The following HABP4 variants were observed in gnomAD, a reference collection of about 807,000 sequenced individuals.
HABP4 encodes the protein intracellular hyaluronan-binding protein 4.
HABP4 carries 32 observed loss-of-function variants against 44.1 expected under a neutral mutation model. The observed-to-expected ratio is 0.73, with a 90% CI of 0.55 to 0.97. The LOEUF is 0.97. HABP4 is among the 50% of genes least tolerant of loss of function. The pLI is 0.00. For missense variants in HABP4, 503 were observed against 561.9 expected (o/e 0.90, Z 1.06); for synonymous variants, 216 against 218.0 (o/e 0.99, Z 0.08).
At position 96,450,995 on chromosome 9, in the gene HABP4, C is replaced by T. The variant is rs558905951; in HGVS notation, c.349+367C>T. Among the ~76,000 whole-genome samples, 2 of 152,230 alleles carry T rather than the reference C, an allele frequency of 1.3e-5. No individual in the cohort carries two copies. The highest frequency in any genetic ancestry group is 3.9e-4 in the East Asian group (2 of 5,160). On this transcript the variant is annotated intron_variant, in intron 1 of 7. Transcript: ENST00000375249. This position sits in a 1 kb window ranked among gnomAD's most constrained non-coding sequence, Gnocchi z 4.8. ...TGGCGGGGACCTTCATCTTCCAGCCCAGCCTCTGCAAGATTGAGGTCGGAG... is the reference window on the plus strand; with the variant it reads ...TGGCGGGGACCTTCATCTTCCAGCCTAGCCTCTGCAAGATTGAGGTCGGAG...
intron 5 of HABP4, among the ~76,000 whole-genome samples, chr9:96,471,820 C>G (rs1832703521): frequency 6.6e-6 from 1 of 151,784 alleles, no homozygotes; most frequent in South Asian, 2.1e-4. Context: ...GACAGAGTTT[C>G]ACTCTTATTG....
At chr9:96,484,681 C>T in intron 6 of HABP4, 48 bp downstream of exon 6, 1 of 1,025,106 alleles carries the variant, frequency 9.8e-7, no homozygotes, top group Non-Finnish European at 1.5e-6. Context: ...TTTTACCTTA[C>T]TGGAAGTGAA....
intron 5 of HABP4, among the ~76,000 whole-genome samples, chr9:96,480,664 C>G (rs1832860843): frequency 6.6e-6 from 1 of 152,146 alleles, no homozygotes; most frequent in Admixed American, 6.6e-5. Context: ...ACACTTCCCC[C>G]TAAATAGTTC....
At chr9:96,476,087 T>C (rs1441596698) in intron 5 of HABP4, among the ~76,000 whole-genome samples, 4 of 152,176 alleles carry the variant, frequency 2.6e-5, no homozygotes, top group Admixed American at 2.0e-4. Context: ...CTGTTTTCCA[T>C]CTAGGTATTT....
In HABP4 at chr9:96,488,137, G is replaced by A. The variant is rs753906395; in HGVS notation, c.1048G>A (p.Ala350Thr). 32 of 1,613,192 alleles carry A rather than the reference G, an allele frequency of 2.0e-5. No homozygotes were observed. Among genetic ancestry groups the A allele is most frequent in the Non-Finnish European group, 2.5e-5 (30 of 1,179,326 alleles). ...EDDSHVFRKP[A>T]NDITSQLEIN... is the part of the protein sequence containing the mutation. ...CGATTCCCATGTTTTCCGGAAACCC[G>A]CCAATGACATCACATCCCAGCTGGA... is the stretch of plus-strand genomic sequence containing the variant. Residue 350 changes from alanine to threonine, a missense_variant, in exon 7 of 8, where the codon GCC (alanine) becomes ACC (threonine). By Grantham distance (58) the Ala-to-Thr change is moderately conservative. Around this residue, in one of 3 missense-constraint regions of HABP4, gnomAD observed 131 missense variants for 189.8 expected, o/e 0.69. Coordinates refer to ENST00000375249, the MANE Select transcript of HABP4 (RefSeq NM_014282.4). This position sits in a 1 kb window ranked among gnomAD's most constrained non-coding sequence, Gnocchi z 4.6.
chr9:96,451,458 T>G, intron 1 of HABP4: 1 of 985,004 alleles, frequency 1.0e-6, no homozygotes, highest in Non-Finnish European at 1.2e-6. Flanking sequence ...TGTTTCCTGT[T>G]TTCTTGAAAT....
intron 5 of HABP4, among the ~76,000 whole-genome samples, chr9:96,481,384 G>A (rs1287356588): frequency 4.6e-5 from 7 of 152,100 alleles, no homozygotes; most frequent in Non-Finnish European, 1.5e-5. Flanking sequence ...GAGCCACCGC[G>A]CCCGGCCTGT....
In HABP4 at chr9:96,475,958, G is replaced by C. The variant is rs574047836; in HGVS notation, c.827+4864G>C. On this transcript the variant is annotated intron_variant, in intron 5 of 7. Transcript: ENST00000375249. ...TCCGATTAGTAAAGCTTTATTTCTG[G>C]AACCTACTTTCTTTGATTCACTGCA... Among the ~76,000 whole-genome samples, 3 of 152,030 alleles carry C rather than the reference G, an allele frequency of 2.0e-5. No homozygotes were observed. In the East Asian group the frequency reaches 5.8e-4, roughly 29 times the overall value.
upstream of HABP4, chr9:96,450,153 A>C (rs1316747461): frequency 3.2e-6 from 3 of 929,246 alleles, no homozygotes; most frequent in Non-Finnish European, 4.0e-6. This position sits in a 1 kb window ranked among gnomAD's most constrained non-coding sequence, Gnocchi z 4.8. Flanking sequence ...GGGCGCCGGT[A>C]GGGGCCGGAC....
intron 6 of HABP4, among the ~76,000 whole-genome samples, chr9:96,484,987 T>C (rs1832944617): frequency 6.6e-6 from 1 of 152,190 alleles, no homozygotes; most frequent in African/African-American, 2.4e-5. Context: ...AACTACACTC[T>C]GTGTCCCCTG....
chr9:96,474,343 C>T (rs1373700657), intron 5 of HABP4, among the ~76,000 whole-genome samples: 1 of 151,906 alleles, frequency 6.6e-6, no homozygotes, highest in Non-Finnish European at 1.5e-5. Context: ...CTTTTTGAGC[C>T]AATAAACATT....
intron 5 of HABP4, among the ~76,000 whole-genome samples, chr9:96,479,976 G>A (rs1832848118): frequency 6.6e-6 from 1 of 151,976 alleles, no homozygotes; most frequent in Admixed American, 6.6e-5. Context: ...GACCAGCCTA[G>A]GCAACAAGTG....
In HABP4 at chr9:96,452,493, A is replaced by T. The variant is rs545128800; in HGVS notation, c.349+1865A>T. On this transcript the variant is annotated intron_variant, in intron 1 of 7. Coordinates refer to ENST00000375249, the MANE Select transcript of HABP4 (RefSeq NM_014282.4). ...GGTTGCAACCTGTTTCCTGCACTTG[A>T]TGTTGTCATGTAGTACACTCGTAAC... 7.9e-5 allele frequency among the ~76,000 whole-genome samples: 12 copies of T among 152,080 alleles called. No homozygotes were observed. In the South Asian group the frequency reaches 2.5e-3, roughly 32 times the overall value.
chr9:96,489,758 T>G (rs1333249611), intron 7 of HABP4, among the ~76,000 whole-genome samples: 1 of 152,184 alleles, frequency 6.6e-6, no homozygotes, highest in Non-Finnish European at 1.5e-5. Flanking sequence ...TTGCAGGACG[T>G]AGGAAGGGAG....
Position 96,465,782 on chromosome 9 carries a change from C to T in HABP4, c.743+4C>T, listed in dbSNP as rs374489565. On this transcript the variant is annotated splice_donor_region_variant and intron_variant, in intron 4 of 7. Coordinates refer to ENST00000375249, the MANE Select transcript of HABP4 (RefSeq NM_014282.4). ...GGGGATCGGGTAAAGATACCAGGTA[C>T]GGTGTAAGTGTGTGCCCTCTGAGAA... 215 of 1,510,764 alleles carry T rather than the reference C, an allele frequency of 1.4e-4. 1 individual carries two copies. The highest frequency in any genetic ancestry group is 1.9e-4 in the Non-Finnish European group (202 of 1,085,746). 93.6% of individuals were successfully genotyped at this position (1,510,764 alleles called of 1,614,324 possible).
At chr9:96,489,019 A>C (rs1244373826) in intron 7 of HABP4, among the ~76,000 whole-genome samples, 1 of 152,036 alleles carries the variant, frequency 6.6e-6, no homozygotes, top group Non-Finnish European at 1.5e-5. Context: ...ATGGACACTT[A>C]TTCATTGGAA....
chr9:96,457,307 C>T (rs1832412056), intron 1 of HABP4, among the ~76,000 whole-genome samples: 1 of 151,678 alleles, frequency 6.6e-6, no homozygotes, highest in African/African-American at 2.4e-5. Flanking sequence ...GGCCATTGCA[C>T]TCCAGCCTGG....
rs1003901811 is a variant in HABP4, at chr9:96,488,261, G to A, written c.1172G>A (p.Arg391Lys). ...RIRRAENYGP[R>K]AEVVMQDVAP... ...AGGAGGGCAGAGAACTATGGACCCA[G>A]AGCAGAAGTGGTGGTAGGTGTCTGT... Residue 391 changes from arginine (R) to lysine (K), a missense_variant, in exon 7 of 8, where the codon AGA becomes AAA. By Grantham distance (26) the Arg-to-Lys change is conservative. Around this residue, in one of 3 missense-constraint regions of HABP4, gnomAD observed 82 missense variants for 71.6 expected, o/e 1.15. Transcript: ENST00000375249. The surrounding 1 kb of genome is among the most constrained non-coding windows in gnomAD (Gnocchi z 4.6). 1.9e-6 allele frequency: 3 copies of A among 1,611,838 alleles called. No homozygotes were observed. The highest frequency in any genetic ancestry group is 2.7e-5 in the African/African-American group (2 of 75,002).
rs148926183 is a variant in HABP4 at position 96,480,604 on chromosome 9, C to T, written c.828-3858C>T. On this transcript the variant is annotated intron_variant, in intron 5 of 7. Transcript: ENST00000375249. Reference sequence around the variant, plus strand: ...TATATATTCATTTTACATAAGTATTCATTAGTCCATGTTTTTTGACACATT... The same window carrying T: ...TATATATTCATTTTACATAAGTATTTATTAGTCCATGTTTTTTGACACATT... Among the ~76,000 whole-genome samples, 140 of 152,252 alleles carry T rather than the reference C, an allele frequency of 9.2e-4. 1 individual carries two copies. Among genetic ancestry groups the T allele is most frequent in the Admixed American group, 1.7e-3 (26 of 15,284 alleles).
Sources: allele counts gnomAD v4.1 joint callset (sites outside exome capture counted in the v4.1 genomes callset), GRCh38; gene constraint gnomAD v4.1.1; regional missense constraint gnomAD v4.1.1; non-coding constraint Gnocchi (gnomAD v3.1); transcripts MANE v1.5; gene names NCBI Gene and HGNC (gene_info 2026-07-23, HGNC 2026-07-21).